The following KLC1 variants were observed in gnomAD, a reference collection of about 807,000 sequenced individuals.
The protein encoded by KLC1 is kinesin light chain 1.
Under a neutral mutation model 84.2 loss-of-function variants are expected in KLC1, and 30 were observed. The ratio of observed to expected loss-of-function variants is 0.36; its 90% CI spans 0.27 to 0.48. KLC1 has a LOEUF of 0.48. Ranked by LOEUF, KLC1 falls within the 20% of genes least tolerant of loss-of-function variation. The pLI, the probability that KLC1 is intolerant of heterozygous loss-of-function variation, is 0.99. For synonymous variants in KLC1, 289 were observed against 293.3 expected (o/e 0.99, Z 0.15); for missense variants, 499 against 805.4 (o/e 0.62, Z 4.60).
At chr14:103,690,501 G>A (rs1019160820) in intron 14 of KLC1, among the ~76,000 whole-genome samples, 1 of 152,216 alleles carries the variant, frequency 6.6e-6, no homozygotes. Context: ...GCTGACACAC[G>A]GGTGGGTGCC....
intron 1 of KLC1, among the ~76,000 whole-genome samples, chr14:103,631,782 A>G (rs1430904743): frequency 1.3e-5 from 2 of 151,968 alleles, no homozygotes; most frequent in African/African-American, 2.4e-5. Flanking sequence ...TATTTTTAGT[A>G]GAGACGGGGC....
intron 14 of KLC1, among the ~76,000 whole-genome samples, chr14:103,691,885 T>C (rs1103184): frequency 0.93 from 142,031 of 152,112 alleles, 66,552 homozygotes; most frequent in East Asian, 0.98. Context: ...GATCCTCCAC[T>C]TCTGCCTCCT....
chr14:103,665,300 C>A (rs1270340090), intron 5 of KLC1, among the ~76,000 whole-genome samples: 2 of 152,094 alleles, frequency 1.3e-5, no homozygotes, highest in East Asian at 3.8e-4. Context: ...GATCCTCCAC[C>A]TTGACGTCCC....
chr14:103,653,980 C>T (rs2078658618), intron 1 of KLC1, among the ~76,000 whole-genome samples: 1 of 152,176 alleles, frequency 6.6e-6, no homozygotes, highest in African/African-American at 2.4e-5. Flanking sequence ...ATCACATCAC[C>T]CTGGGCCTGG....
chr14:103,671,577 G>T (rs2080392096), intron 7 of KLC1, among the ~76,000 whole-genome samples: 1 of 152,106 alleles, frequency 6.6e-6, no homozygotes, highest in African/African-American at 2.4e-5. Flanking sequence ...CACCATGTTG[G>T]CCAGGCTGGC....
chr14:103,643,166 A>G (rs1326196158), intron 1 of KLC1, among the ~76,000 whole-genome samples: 1 of 152,230 alleles, frequency 6.6e-6, no homozygotes, highest in Non-Finnish European at 1.5e-5. Context: ...TACATTAATA[A>G]ATGAGGAAAG....
In KLC1 at chr14:103,696,530, A is replaced by T. The variant is rs2082537601; in HGVS notation, c.1848+4105A>T. 5.1e-6 allele frequency: 5 copies of T among 985,300 alleles called. No individual in the cohort carries two copies. In the South Asian group the frequency reaches 2.3e-4, roughly 46 times the overall value. The allele number at this position is 985,300 out of a possible 1,614,324, so 61.0% of individuals were successfully genotyped here. A position where few individuals can be genotyped will look rare whatever the true frequency, so the allele number is the denominator to read the frequency against. ...TAACTGTATGGAATTTTCTTGGAGG[A>T]TGTCATTAGCTTCTGTTTGCACTGA... On this transcript the variant is annotated intron_variant, in intron 15 of 16. Coordinates refer to ENST00000334553, the MANE Select transcript of KLC1 (RefSeq NM_001394837.1).
At chr14:103,630,111 A>G (rs950305395) in intron 1 of KLC1, among the ~76,000 whole-genome samples, 1 of 152,150 alleles carries the variant, frequency 6.6e-6, no homozygotes, top group Non-Finnish European at 1.5e-5. Flanking sequence ...TATTTTCAGT[A>G]ACCAGATGCG....
Position 103,694,037 on chromosome 14 carries a change from T to G in KLC1, c.1848+1612T>G. ...AATCTGGAAACATAAAGTACCCCTTTCAGAACGATAGGCATTTAGTGATCT... is the reference window on the plus strand; with the variant it reads ...AATCTGGAAACATAAAGTACCCCTTGCAGAACGATAGGCATTTAGTGATCT... On this transcript the variant is annotated intron_variant, in intron 15 of 16. Transcript: ENST00000334553. The surrounding 1 kb of genome is among the most constrained non-coding windows in gnomAD (Gnocchi z 4.5). The G allele has an allele frequency of 9.9e-7, 1 of 1,005,388 alleles. No homozygotes were observed. Among genetic ancestry groups the G allele is most frequent in the African/African-American group, 1.7e-5 (1 of 57,966 alleles). 62.3% of individuals were successfully genotyped at this position (1,005,388 alleles called of 1,614,324 possible). A position where few individuals can be genotyped will look rare whatever the true frequency, so the allele number is the denominator to read the frequency against.
intron 1 of KLC1, among the ~76,000 whole-genome samples, chr14:103,653,212 T>C (rs879750405): frequency 6.6e-6 from 1 of 152,202 alleles, no homozygotes; most frequent in Non-Finnish European, 1.5e-5. Context: ...GGTACCATCA[T>C]AGCTGACTGT....
chr14:103,694,074 G>C lies in KLC1; in HGVS notation c.1848+1649G>C, dbSNP rs975068717. On this transcript the variant is annotated intron_variant, in intron 15 of 16. Transcript: ENST00000334553. This position sits in a 1 kb window ranked among gnomAD's most constrained non-coding sequence, Gnocchi z 4.5. The stretch of plus-strand genomic sequence containing the variant: ...GCATTTAGTGATCTATGGCAGTAAA[G>C]CCTGAAGCTTAGCGGACACTGGTCA... 7.5e-5 allele frequency: 74 copies of C among 986,970 alleles called. No individual in the cohort carries two copies. Among genetic ancestry groups the C allele is most frequent in the Non-Finnish European group, 8.7e-5 (72 of 830,112 alleles). The allele number at this position is 986,970 out of a possible 1,614,324, so 61.1% of individuals were successfully genotyped here. A position where few individuals can be genotyped will look rare whatever the true frequency, so the allele number is the denominator to read the frequency against.
intron 12 of KLC1, among the ~76,000 whole-genome samples, chr14:103,678,678 A>T (rs1168807323): frequency 6.6e-6 from 1 of 151,972 alleles, no homozygotes; most frequent in East Asian, 1.9e-4. Context: ...CAACAGAGCG[A>T]GACCCTGTCT....
Position 103,667,582 on chromosome 14 carries a change from C to T in KLC1, c.798-1929C>T, listed in dbSNP as rs146471033. Among the ~76,000 whole-genome samples the T allele has an allele frequency of 1.6e-4, 24 of 152,188 alleles. No homozygotes were observed. The East Asian group carries it at 4.1e-3, about 26-fold the overall frequency. On this transcript the variant is annotated intron_variant, in intron 5 of 16. Transcript: ENST00000334553. Reference sequence around the variant, plus strand: ...AACTCCTGAGCTCAGGCAGTCTGCCCGCCTCAGCCTCCCAAAGTGCTAGGA... The same window carrying T: ...AACTCCTGAGCTCAGGCAGTCTGCCTGCCTCAGCCTCCCAAAGTGCTAGGA...
At chr14:103,663,083 C>CT (rs369746171) in intron 5 of KLC1, among the ~76,000 whole-genome samples, 156 bp downstream of exon 5, 2,465 of 143,342 alleles carry the variant, frequency 0.017, 62 homozygotes, top group African/African-American at 0.056. Flanking sequence ...ATTTAGCAAG[C>CT]TTTTTTTTTT....
chr14:103,635,192 T>C (rs914550959), intron 1 of KLC1, among the ~76,000 whole-genome samples: 18 of 152,226 alleles, frequency 1.2e-4, no homozygotes, highest in Non-Finnish European at 2.6e-4. Flanking sequence ...GGTTCTAAAA[T>C]ATCTGTTACC....
At chr14:103,682,763 T>C (rs920192145) in intron 13 of KLC1, 3 of 150,494 alleles carry the variant, frequency 2.0e-5, no homozygotes, top group Non-Finnish European at 4.4e-5. Context: ...TATATATATA[T>C]ATGTATATGT....
At chr14:103,652,238 C>T (rs574470181) in intron 1 of KLC1, among the ~76,000 whole-genome samples, 11 of 152,312 alleles carry the variant, frequency 7.2e-5, no homozygotes, top group African/African-American at 2.4e-4. Flanking sequence ...ACACTTTAAC[C>T]TAGTACATTT....
intron 3 of KLC1, among the ~76,000 whole-genome samples, chr14:103,658,406 G>A (rs1383490148): frequency 1.4e-5 from 2 of 147,516 alleles, no homozygotes; most frequent in Admixed American, 6.8e-5. Flanking sequence ...GATTACAGGT[G>A]TGTGACACCA....
At chr14:103,685,917 G>C in intron 13 of KLC1, 2 of 1,125,184 alleles carry the variant, frequency 1.8e-6, no homozygotes, top group Non-Finnish European at 2.2e-6. Context: ...TAAAAATTAA[G>C]AGCGATTAGC....
Sources: allele counts gnomAD v4.1 joint callset (sites outside exome capture counted in the v4.1 genomes callset), GRCh38; gene constraint gnomAD v4.1.1; non-coding constraint Gnocchi (gnomAD v3.1); transcripts MANE v1.5; gene names NCBI Gene and HGNC (gene_info 2026-07-23, HGNC 2026-07-21).